The following DISC1 variants were observed in gnomAD, a reference collection of about 807,000 sequenced individuals.
DISC1 encodes disrupted in schizophrenia 1 protein.
In DISC1, 57 loss-of-function variants were observed where a neutral mutation model predicts 84.5. The observed-to-expected ratio is 0.67, with a 90% CI of 0.55 to 0.84. DISC1 has a LOEUF of 0.84. Among genes scored for constraint, DISC1 ranks in the 40% least tolerant of loss-of-function variants. The pLI, the probability that DISC1 is intolerant of heterozygous loss-of-function variation, is 0.00. For missense variants in DISC1, 1,000 were observed against 1,057.8 expected, an observed-to-expected ratio of 0.95 and a Z score of 0.76; for synonymous variants, 411 against 415.2, an observed-to-expected ratio of 0.99 and a Z score of 0.12.
At chr1:231,673,949 C>G (rs977723970) in intron 1 of DISC1, among the ~76,000 whole-genome samples, 2 of 152,186 alleles carry the variant, frequency 1.3e-5, no homozygotes, top group African/African-American at 4.8e-5. Flanking sequence ...ATCCCAGACT[C>G]TCGTATAAAA....
intron 1 of DISC1, among the ~76,000 whole-genome samples, chr1:231,644,194 AT>A (rs760221675): frequency 3.3e-5 from 5 of 152,072 alleles, no homozygotes; most frequent in Non-Finnish European, 7.3e-5. Flanking sequence ...CAAATTCTAC[AT>A]TTTCACTAGG....
chr1:232,029,450 C>G (rs945785735), intron 12 of DISC1, among the ~76,000 whole-genome samples: 3 of 152,356 alleles, frequency 2.0e-5, no homozygotes, highest in Non-Finnish European at 4.4e-5. Context: ...TCTAGAGATT[C>G]AGAGAGGCTG....
At chr1:231,693,332 T>C (rs1381411550) in intron 1 of DISC1, among the ~76,000 whole-genome samples, 1 of 152,242 alleles carries the variant, frequency 6.6e-6, no homozygotes, top group East Asian at 1.9e-4. Flanking sequence ...CAGCAACAGA[T>C]CAGTCTTGCA....
chr1:231,632,156 G>T (rs1189926817), intron 1 of DISC1, among the ~76,000 whole-genome samples: 4 of 152,194 alleles, frequency 2.6e-5, no homozygotes, highest in Non-Finnish European at 5.9e-5. Flanking sequence ...GCTTAGGTGT[G>T]TCATAGCCTA....
chr1:231,932,650 T>C (rs1432139528), intron 9 of DISC1, among the ~76,000 whole-genome samples: 1 of 152,198 alleles, frequency 6.6e-6, no homozygotes, highest in African/African-American at 2.4e-5. Flanking sequence ...CTAGTCAGTG[T>C]ACATGGCATT....
chr1:231,785,257 T>TTTATTTATTTATTTA (rs376064708), intron 6 of DISC1, among the ~76,000 whole-genome samples: 1 of 104,830 alleles, frequency 9.5e-6, no homozygotes, highest in South Asian at 3.9e-4. Flanking sequence ...GTGTGTGTTA[T>TTTATTTATTTATTTA]TTTATTTATT....
chr1:231,935,049 A>T (rs550340190), intron 9 of DISC1, among the ~76,000 whole-genome samples: 3 of 152,228 alleles, frequency 2.0e-5, no homozygotes, highest in Admixed American at 6.5e-5. Flanking sequence ...CTCTTGCCAA[A>T]TGGGACAACG....
intron 10 of DISC1, among the ~76,000 whole-genome samples, chr1:232,001,032 G>T (rs750268439): frequency 4.6e-5 from 7 of 152,116 alleles, no homozygotes; most frequent in Non-Finnish European, 8.8e-5. Context: ...GTATTATGGT[G>T]ATTGAGACAA....
chr1:231,802,234 T>C (rs573230425), intron 8 of DISC1, among the ~76,000 whole-genome samples: 1 of 152,268 alleles, frequency 6.6e-6, no homozygotes, highest in South Asian at 2.1e-4. Flanking sequence ...GGGAGGGACC[T>C]GGTGGGAGGT....
intron 9 of DISC1, among the ~76,000 whole-genome samples, chr1:231,843,126 A>G (rs1443526044): frequency 6.6e-6 from 1 of 152,192 alleles, no homozygotes; most frequent in African/African-American, 2.4e-5. Context: ...ATGAAAAGCC[A>G]GGAAAGATTT....
rs72513675 is a variant in DISC1, at chr1:231,912,742, CTTCTTTCTTTCTTTCTTTCTTTCT to C, written c.1982-46043_1982-46020del. 3.5e-3 allele frequency among the ~76,000 whole-genome samples: 468 copies of C among 132,558 alleles called. 1 individual carries two copies. Among genetic ancestry groups the C allele is most frequent in the South Asian group, 6.2e-3 (23 of 3,732 alleles). 87.0% of individuals were successfully genotyped at this position (132,558 alleles called of 152,430 possible). ...GGGACATTTAAGTCTGCAGCTTGCT[CTTCTTTCTTTCTTTCTTTCTTTCT>C]TTCTTTCTTTCTTTCTTTCTTTCTT... On this transcript the variant is annotated intron_variant, in intron 9 of 12. Coordinates refer to ENST00000439617, the MANE Select transcript of DISC1 (RefSeq NM_018662.3).
intron 9 of DISC1, among the ~76,000 whole-genome samples, chr1:231,892,315 G>C (rs2087295517): frequency 6.6e-6 from 1 of 152,144 alleles, no homozygotes; most frequent in Non-Finnish European, 1.5e-5. Flanking sequence ...AGAATTCTTG[G>C]TGGATCCATT....
Position 231,795,301 on chromosome 1 carries a change from G to A in DISC1, c.1689+5G>A, listed in dbSNP as rs1164475711. On this transcript the variant is annotated splice_donor_5th_base_variant and intron_variant, in intron 7 of 12. Coordinates refer to ENST00000439617, the MANE Select transcript of DISC1 (RefSeq NM_018662.3). ...CTTAAAGAAATCACTACTAAGGTAAGTACCTTTATATTCCCATTTTCCAAA... is the reference window on the plus strand; with the variant it reads ...CTTAAAGAAATCACTACTAAGGTAAATACCTTTATATTCCCATTTTCCAAA... The A allele has an allele frequency of 6.2e-7, 1 of 1,611,248 alleles. No homozygotes were observed. The highest frequency in any genetic ancestry group is 8.5e-7 in the Non-Finnish European group (1 of 1,177,724).
intron 9 of DISC1, among the ~76,000 whole-genome samples, chr1:231,923,968 C>T (rs2090177266): frequency 6.6e-6 from 1 of 152,188 alleles, no homozygotes; most frequent in African/African-American, 2.4e-5. Flanking sequence ...TACAACGGAG[C>T]ATTCATTTGC....
chr1:231,831,232 G>A (rs2082201213), intron 9 of DISC1, among the ~76,000 whole-genome samples: 1 of 152,174 alleles, frequency 6.6e-6, no homozygotes, highest in African/African-American at 2.4e-5. Flanking sequence ...CAATCCCCAA[G>A]GGGTAGTAGA....
In DISC1 at chr1:231,958,877, T is replaced by G; in HGVS notation, c.2031T>G (p.Asn677Lys). 2 of 1,613,680 alleles carry G rather than the reference T, an allele frequency of 1.2e-6. No homozygotes were observed. The highest frequency in any genetic ancestry group is 8.5e-7 in the Non-Finnish European group (1 of 1,179,774). Reference sequence around the variant, plus strand: ...TGAAGTACATGGAAACACTTAAGAATAAACTGTGCAGGTAAGGATAATAAT... The same window carrying G: ...TGAAGTACATGGAAACACTTAAGAAGAAACTGTGCAGGTAAGGATAATAAT... ...NTMKYMETLK[N>K]KLCSCKCPLL... is the part of the protein sequence containing the mutation. The change falls in exon 10 of 13, where the codon AAT becomes AAG. Residue 677 changes from asparagine to lysine, a missense_variant. Transcript: ENST00000439617.
At chr1:231,634,091 C>G (rs1044376133) in intron 1 of DISC1, among the ~76,000 whole-genome samples, 1 of 152,116 alleles carries the variant, frequency 6.6e-6, no homozygotes, top group African/African-American at 2.4e-5. Context: ...ACCATGTCGG[C>G]CAGGCTGGTC....
intron 1 of DISC1, among the ~76,000 whole-genome samples, chr1:231,661,586 G>C (rs1365977818): frequency 6.6e-6 from 1 of 152,206 alleles, no homozygotes; most frequent in Non-Finnish European, 1.5e-5. Context: ...TGTGTTTTCA[G>C]CTCCATGAGC....
chr1:231,648,405 A>G (rs1039837509), intron 1 of DISC1, among the ~76,000 whole-genome samples: 9 of 152,204 alleles, frequency 5.9e-5, no homozygotes, highest in African/African-American at 2.2e-4. Context: ...CCAGGGATGA[A>G]GCTGACCTGA....
Sources: gnomAD v4.1 joint callset for allele counts (sites outside exome capture counted in the v4.1 genomes callset) on GRCh38, gnomAD v4.1.1 for gene constraint, MANE v1.5 for transcripts, NCBI Gene and HGNC (gene_info 2026-07-23, HGNC 2026-07-21) for gene names.